Variants in CREB3L2 observed in about 807,000 individuals in gnomAD.
CREB3L2 encodes cAMP responsive element binding protein 3 like 2, also known as cyclic AMP-responsive element-binding protein 3-like protein 2.
In CREB3L2, 23 loss-of-function variants were observed where a neutral mutation model predicts 57.2. The observed-to-expected ratio is 0.40, with a 90% CI of 0.29 to 0.57. The LOEUF is 0.57. Among genes scored for constraint, CREB3L2 ranks in the 20% least tolerant of loss-of-function variants. The probability of loss-of-function intolerance (pLI) is 0.42; values close to 1 mark genes in which losing one functional copy is unlikely to be tolerated. For synonymous variants in CREB3L2, 268 were observed against 265.1 expected, an observed-to-expected ratio of 1.01 and a Z score of -0.11; for missense variants, 628 against 634.7, an observed-to-expected ratio of 0.99 and a Z score of 0.11.
intron 1 of CREB3L2, among the ~76,000 whole-genome samples, chr7:137,981,321 T>C (rs1375388508): frequency 1.3e-5 from 2 of 152,216 alleles, no homozygotes; most frequent in South Asian, 2.1e-4. Flanking sequence ...AGCAGTGACC[T>C]AGCCTGAGGA....
chr7:137,880,622 C>A lies in CREB3L2; in HGVS notation c.1488-71G>T. The A allele has an allele frequency of 8.0e-7, 1 of 1,254,862 alleles. No homozygotes were observed. The highest frequency in any genetic ancestry group is 1.2e-6 in the Non-Finnish European group (1 of 859,866). The allele number at this position is 1,254,862 out of a possible 1,614,324, so 77.7% of individuals were successfully genotyped here. ...TAGCTACAATTCTCATGCTTTGTAG[C>A]GTGATGCAATCATTCAGGGGTTGCA... On this transcript the variant is annotated intron_variant, in intron 11 of 11. Coordinates refer to ENST00000330387, the MANE Select transcript of CREB3L2 (RefSeq NM_194071.4). The surrounding 1 kb of genome is among the most constrained non-coding windows in gnomAD (Gnocchi z 4.0).
At chr7:137,944,867 AGAATTTAT>A (rs1800941231) in intron 1 of CREB3L2, among the ~76,000 whole-genome samples, 1 of 152,030 alleles carries the variant, frequency 6.6e-6, no homozygotes, top group African/African-American at 2.4e-5. Flanking sequence ...TTATAGTTTT[AGAATTTAT>A]AACTTTTATT....
chr7:137,934,611 A>G (rs1800738798), intron 1 of CREB3L2, among the ~76,000 whole-genome samples: 1 of 152,216 alleles, frequency 6.6e-6, no homozygotes, highest in South Asian at 2.1e-4. Context: ...CTCTAAAGCT[A>G]GATAAAGATA....
In CREB3L2 at chr7:137,879,955, G is replaced by T. The variant is rs144914680; in HGVS notation, c.*521C>A. ...TGCAGGAGACGAGACGATCCAGCGA[G>T]GGCTCCCAGGGGGCAGAGTGGGCGG... On this transcript the variant is annotated 3_prime_UTR_variant, in exon 12 of 12. Transcript: ENST00000330387. 1 of 237,284 alleles carries T rather than the reference G, an allele frequency of 4.2e-6. No homozygotes were observed. The highest frequency in any genetic ancestry group is 6.0e-5 in the East Asian group (1 of 16,596). The allele number at this position is 237,284 out of a possible 1,614,324, so 14.7% of individuals were successfully genotyped here. A position where few individuals can be genotyped will look rare whatever the true frequency, so the allele number is the denominator to read the frequency against.
chr7:137,947,944 G>C (rs1801027209), intron 1 of CREB3L2, among the ~76,000 whole-genome samples: 1 of 152,124 alleles, frequency 6.6e-6, no homozygotes, highest in Non-Finnish European at 1.5e-5. Context: ...ACCTTCATTT[G>C]AGTTGGCTCC....
At chr7:137,944,231 A>G (rs1025632538) in intron 1 of CREB3L2, among the ~76,000 whole-genome samples, 2 of 152,188 alleles carry the variant, frequency 1.3e-5, no homozygotes, top group African/African-American at 4.8e-5. Flanking sequence ...GGAAAGAAAA[A>G]TAGCAATTCA....
At chr7:137,990,238 G>A (rs1292839157) in intron 1 of CREB3L2, among the ~76,000 whole-genome samples, 3 of 152,074 alleles carry the variant, frequency 2.0e-5, no homozygotes, top group Non-Finnish European at 2.9e-5. Context: ...CTTTTTCCAC[G>A]TTCCTATTCT....
At chr7:137,925,209 G>A (rs138459040) in intron 2 of CREB3L2, among the ~76,000 whole-genome samples, 129 of 152,198 alleles carry the variant, frequency 8.5e-4, no homozygotes, top group African/African-American at 2.8e-3. Flanking sequence ...GGGGAAGCAG[G>A]AGGCAGAGGG....
intron 1 of CREB3L2, among the ~76,000 whole-genome samples, chr7:137,950,314 C>G (rs552222487): frequency 6.6e-6 from 1 of 152,250 alleles, no homozygotes; most frequent in East Asian, 1.9e-4. Flanking sequence ...AGACTCACAC[C>G]CTGGATTTCT....
At chr7:137,930,660 C>A (rs959984635) in intron 1 of CREB3L2, among the ~76,000 whole-genome samples, 1 of 152,186 alleles carries the variant, frequency 6.6e-6, no homozygotes, top group Non-Finnish European at 1.5e-5. Flanking sequence ...CATGGCATTT[C>A]ATCAGGACAG....
At chr7:137,921,756 T>C (rs1019224811) in intron 2 of CREB3L2, among the ~76,000 whole-genome samples, 6 of 152,232 alleles carry the variant, frequency 3.9e-5, no homozygotes, top group Non-Finnish European at 8.8e-5. Flanking sequence ...CTGCCTTTCC[T>C]TTTATTCCTA....
At chr7:137,931,385 G>A (rs1329605784) in intron 1 of CREB3L2, among the ~76,000 whole-genome samples, 1 of 152,088 alleles carries the variant, frequency 6.6e-6, no homozygotes, top group African/African-American at 2.4e-5. Flanking sequence ...AGCCAGGCAT[G>A]GTGGTGGGCA....
intron 7 of CREB3L2, among the ~76,000 whole-genome samples, chr7:137,901,741 T>G (rs1799762634): frequency 6.6e-6 from 1 of 150,560 alleles, no homozygotes; most frequent in African/African-American, 2.4e-5. Flanking sequence ...TAGCTGGGCG[T>G]GGTGGCACGT....
At chr7:137,885,284 T>C (rs1199872295) in intron 9 of CREB3L2, 119 bp downstream of exon 9, 1 of 1,169,314 alleles carries the variant, frequency 8.6e-7, no homozygotes, top group East Asian at 2.4e-5. Context: ...AGCCTCAGAG[T>C]GGAGTTCCTC....
At chr7:137,912,398 G>C (rs1362487111) in intron 4 of CREB3L2, among the ~76,000 whole-genome samples, 1 of 149,702 alleles carries the variant, frequency 6.7e-6, no homozygotes, top group Non-Finnish European at 1.5e-5. Context: ...AAAAAAGTAT[G>C]ATCACCTCAA....
At position 138,001,723 on chromosome 7, in the gene CREB3L2, T is replaced by C. The variant is rs1802081314; in HGVS notation, c.-18A>G. ...ACCTCCATGGCGGTGCGGGCCGCGC[T>C]GGGCCGAGGATGCTAAGCGCAGGAG... is the stretch of plus-strand genomic sequence containing the variant. On this transcript the variant is annotated 5_prime_UTR_variant, in exon 1 of 12. Transcript: ENST00000330387. This position sits in a 1 kb window ranked among gnomAD's most constrained non-coding sequence, Gnocchi z 4.2. 2 of 1,592,268 alleles carry C rather than the reference T, an allele frequency of 1.3e-6. No homozygotes were observed. The highest frequency in any genetic ancestry group is 1.3e-5 in the African/African-American group (1 of 74,708).
intron 5 of CREB3L2, 83 bp downstream of exon 5, chr7:137,908,169 G>T: frequency 1.0e-6 from 1 of 983,040 alleles, no homozygotes; most frequent in Non-Finnish European, 1.3e-6. Context: ...AAACAGCCTT[G>T]AGTGGTCCTG....
At chr7:137,924,251 T>A (rs1429017790) in intron 2 of CREB3L2, among the ~76,000 whole-genome samples, 1 of 152,230 alleles carries the variant, frequency 6.6e-6, no homozygotes, top group East Asian at 1.9e-4. Flanking sequence ...AAAGGTAGTA[T>A]TAGACCACTT....
At chr7:138,000,144 G>A (rs1170516757) in intron 1 of CREB3L2, among the ~76,000 whole-genome samples, 1 of 152,242 alleles carries the variant, frequency 6.6e-6, no homozygotes, top group African/African-American at 2.4e-5. Flanking sequence ...CATTGCAGCT[G>A]CTGGATGAGA....
Sources: allele counts gnomAD v4.1 joint callset (sites outside exome capture counted in the v4.1 genomes callset), GRCh38; gene constraint gnomAD v4.1.1; non-coding constraint Gnocchi (gnomAD v3.1); transcripts MANE v1.5; gene names NCBI Gene and HGNC (gene_info 2026-07-23, HGNC 2026-07-21).